Variants in TRPM5 observed in about 807,000 individuals in gnomAD.
TRPM5 encodes the protein MLSN1 and TRP-related.
Under a neutral mutation model 124.9 loss-of-function variants are expected in TRPM5, and 121 were observed. The ratio of observed to expected loss-of-function variants is 0.97; its 90% CI spans 0.84 to 1.13. The LOEUF (loss-of-function observed/expected upper bound fraction) is 1.13, where lower values mean the gene tolerates loss of function less well. Ranked by LOEUF, TRPM5 falls within the 50% of genes most tolerant of loss-of-function variation. TRPM5 has a pLI of 0.00. For synonymous variants in TRPM5, 781 were observed against 700.5 expected, an observed-to-expected ratio of 1.11 and a Z score of -1.81; for missense variants, 1,643 against 1,589.1, an observed-to-expected ratio of 1.03 and a Z score of -0.58.
At chr11:2,407,994 T>C (rs1850358951) in intron 18 of TRPM5, 82 bp from the exon 24 acceptor site, 2 of 1,530,078 alleles carry the variant, frequency 1.3e-6, no homozygotes, top group African/African-American at 2.7e-5. Context: ...GATAGAGCGC[T>C]GAGTCCTGGT....
At chr11:2,417,026 A>G (rs997707029) in intron 7 of TRPM5, among the ~76,000 whole-genome samples, 6 of 152,198 alleles carry the variant, frequency 3.9e-5, no homozygotes, top group African/African-American at 1.2e-4. Context: ...AGAGACAGGA[A>G]GCAGATCGAT....
At chr11:2,421,402 G>A (rs1231886486) in intron 2 of TRPM5, among the ~76,000 whole-genome samples, 3 of 152,230 alleles carry the variant, frequency 2.0e-5, no homozygotes, top group Non-Finnish European at 4.4e-5. Flanking sequence ...AGCAGAACTG[G>A]CTGGGCCCAG....
At position 2,419,343 on chromosome 11, in the gene TRPM5, C is replaced by T. The variant is rs996993198; in HGVS notation, c.650-752G>A. ...GCTCAGTTGACCGGGCACAGTGGCT[C>T]ATGCCTGTAATCCCAGCACTTTGGG... On this transcript the variant is annotated intron_variant, in intron 4 of 23. Coordinates refer to ENST00000155858, the Ensembl canonical transcript of TRPM5. Among the ~76,000 whole-genome samples the T allele has an allele frequency of 7.9e-5, 12 of 152,062 alleles. 1 individual carries two copies. In the South Asian group the frequency reaches 1.5e-3, roughly 18 times the overall value.
exon 3 of TRPM5, chr11:2,421,149 G>A (rs1169729131): frequency 1.3e-6 from 2 of 1,542,386 alleles, no homozygotes; most frequent in East Asian, 2.5e-5. Context: ...CGGCCTGCCC[G>A]ACATGCCTGG....
At chr11:2,419,537 A>G (rs1845735714) in intron 4 of TRPM5, among the ~76,000 whole-genome samples, 1 of 150,680 alleles carries the variant, frequency 6.6e-6, no homozygotes. Context: ...AATTGTTGGA[A>G]CCTGGGAGGT....
rs116331136 is a variant in TRPM5 at position 2,418,854 on chromosome 11, T to A, written c.650-263A>T. ...ATGGCTGTTAAAACACAAAGTGACG[T>A]GGAAGAAACGGAGCACCCAGCCCTA... On this transcript the variant is annotated intron_variant, in intron 4 of 23. Coordinates refer to ENST00000155858, the Ensembl canonical transcript of TRPM5. Among the ~76,000 whole-genome samples the A allele has an allele frequency of 8.7e-3, 1,327 of 152,250 alleles. 20 individuals are homozygous for A. Among genetic ancestry groups the A allele is most frequent in the African/African-American group, 0.031 (1,286 of 41,546 alleles).
chr11:2,428,042 T>C (rs1845851798), upstream of TRPM5, among the ~76,000 whole-genome samples: 1 of 152,168 alleles, frequency 6.6e-6, no homozygotes, highest in Non-Finnish European at 1.5e-5. The surrounding 1 kb of genome is among the most constrained non-coding windows in gnomAD (Gnocchi z 4.0). Flanking sequence ...TGTCCCTGCA[T>C]CCGGAGTCAG....
intron 1 of TRPM5, 80 bp from the exon 7 acceptor site, chr11:2,422,401 AGGGGGCACTGGGGAGGTGCTGAGCATGG>A: frequency 1.8e-6 from 1 of 559,314 alleles, no homozygotes; most frequent in Non-Finnish European, 2.5e-6. Flanking sequence ...GCTGGACACA[AGGGGGCACTGGGGAGGTGCTGAGCATGG>A]GGGGACACTG....
At chr11:2,424,258 C>A (rs1845816267), upstream of TRPM5, among the ~76,000 whole-genome samples, 3 of 152,164 alleles carry the variant, frequency 2.0e-5, no homozygotes, top group Non-Finnish European at 2.9e-5. Context: ...CACCTGTGAC[C>A]CCAGGAGGGG....
In TRPM5 at chr11:2,411,670, G is replaced by A. The variant is rs1850454690; in HGVS notation, c.2572C>T (p.Gln858Ter). The change falls in exon 17 of 24, where the codon CAG becomes TAG. Residue 858 changes from glutamine (Q) to a stop codon, truncating the protein, a stop_gained. Coordinates refer to ENST00000155858, the Ensembl canonical transcript of TRPM5. LOFTEE classifies it high-confidence loss of function. ...ACCACGATGATCTTGGGGCCCAGCT[G>A]CTTGTGTATGGCAAAGATATGGATC... The A allele has an allele frequency of 6.2e-7, 1 of 1,612,538 alleles. No individual in the cohort carries two copies. Among genetic ancestry groups the A allele is most frequent in the Admixed American group, 1.7e-5 (1 of 59,980 alleles).
In TRPM5 at chr11:2,407,676, G is replaced by A; in HGVS notation, c.2936+83C>T. 3 of 1,534,804 alleles carry A rather than the reference G, an allele frequency of 2.0e-6. No homozygotes were observed. The Admixed American group carries it at 5.2e-5, about 27-fold the overall frequency. On this transcript the variant is annotated intron_variant, in intron 19 of 23. Coordinates refer to ENST00000155858, the Ensembl canonical transcript of TRPM5. ...TCACCCTCTGCAGCACACCAGGTGG[G>A]TTGCAAAGGAGGCGGTGTTGGGGAA...
At chr11:2,423,570 G>A, upstream of TRPM5, among the ~76,000 whole-genome samples, 1 of 152,176 alleles carries the variant, frequency 6.6e-6, no homozygotes, top group Admixed American at 6.5e-5. Flanking sequence ...GTGTGGACGA[G>A]AGACCACCTT....
At chr11:2,436,678 C>T in the TRPM5 span, among the ~76,000 whole-genome samples, 1 of 152,206 alleles carries the variant, frequency 6.6e-6, no homozygotes, top group African/African-American at 2.4e-5. Flanking sequence ...CAGAGGGGCC[C>T]GTGCTCCTGG....
intron 18 of TRPM5, among the ~76,000 whole-genome samples, chr11:2,409,230 G>C (rs987677305): frequency 6.6e-6 from 1 of 152,104 alleles, no homozygotes; most frequent in African/African-American, 2.4e-5. Flanking sequence ...CCCCTCCTCT[G>C]TCCGCCCTGG....
At chr11:2,440,539 A>G in the TRPM5 span, among the ~76,000 whole-genome samples, 1 of 151,688 alleles carries the variant, frequency 6.6e-6, no homozygotes, top group Non-Finnish European at 1.5e-5. This position sits in a 1 kb window ranked among gnomAD's most constrained non-coding sequence, Gnocchi z 5.2. Flanking sequence ...TCCAACAGCA[A>G]ATGCCTCCCA....
the TRPM5 span, among the ~76,000 whole-genome samples, chr11:2,438,623 T>C: frequency 6.6e-6 from 1 of 151,984 alleles, no homozygotes; most frequent in African/African-American, 2.4e-5. This position sits in a 1 kb window ranked among gnomAD's most constrained non-coding sequence, Gnocchi z 5.9. Flanking sequence ...ACCAGGACTG[T>C]GTCACTGCAC....
intron 16 of TRPM5, 151 bp from the exon 22 acceptor site, chr11:2,411,918 A>G (rs995586733): frequency 9.3e-7 from 1 of 1,072,992 alleles, no homozygotes; most frequent in Non-Finnish European, 1.3e-6. Context: ...ATTTATTTTT[A>G]AGAGACAGGG....
upstream of TRPM5, among the ~76,000 whole-genome samples, chr11:2,426,605 C>T (rs1459218847): frequency 1.3e-5 from 2 of 152,058 alleles, no homozygotes; most frequent in African/African-American, 4.8e-5. Context: ...CAGCCAAGAG[C>T]CAAATGTGGC....
chr11:2,416,808 G>A (rs1383092118), intron 7 of TRPM5, among the ~76,000 whole-genome samples: 1 of 152,188 alleles, frequency 6.6e-6, no homozygotes, highest in Non-Finnish European at 1.5e-5. Context: ...TTCGTCTCCA[G>A]CAAAAAGCAC....
Sources: gnomAD v4.1 joint callset for allele counts (sites outside exome capture counted in the v4.1 genomes callset) on GRCh38, gnomAD v4.1.1 for gene constraint, Gnocchi (gnomAD v3.1) non-coding constraint, MANE v1.5 for transcripts, NCBI Gene and HGNC (gene_info 2026-07-23, HGNC 2026-07-21) for gene names.